The following KCNC4 variants were observed in gnomAD, a reference collection of about 807,000 sequenced individuals.
KCNC4 encodes potassium voltage-gated channel subfamily C member 4.
A neutral mutation model predicts 42.8 loss-of-function variants in KCNC4; 23 were observed. The observed-to-expected ratio is 0.54, with a 90% CI of 0.39 to 0.76. The LOEUF is 0.76. KCNC4 is among the 30% of genes least tolerant of loss of function. The pLI, the probability that KCNC4 is intolerant of heterozygous loss-of-function variation, is 0.00. For synonymous variants in KCNC4, 422 were observed against 393.5 expected, an observed-to-expected ratio of 1.07 and a Z score of -0.86; for missense variants, 751 against 898.2, an observed-to-expected ratio of 0.84 and a Z score of 2.10.
chr1:110,253,415 A>G (rs180944188), downstream of KCNC4, among the ~76,000 whole-genome samples: 1 of 152,238 alleles, frequency 6.6e-6, no homozygotes, highest in East Asian at 1.9e-4. Flanking sequence ...GGCCACATTC[A>G]TGCATCTGCC....
At chr1:110,225,473 G>A (rs922487507) in intron 2 of KCNC4, 2 of 153,748 alleles carry the variant, frequency 1.3e-5, no homozygotes, top group African/African-American at 4.8e-5. Flanking sequence ...CAGGACTCTG[G>A]CCTAGATGCC....
At chr1:110,268,623 A>G (rs988324792) in intron 1 of KCNC4, among the ~76,000 whole-genome samples, 26 of 148,810 alleles carry the variant, frequency 1.7e-4, no homozygotes, top group East Asian at 3.9e-4. Context: ...AAAAAAAAAA[A>G]AAAAGAAAAG....
chr1:110,263,754 A>G (rs1483217911), intron 1 of KCNC4, among the ~76,000 whole-genome samples: 8 of 151,854 alleles, frequency 5.3e-5, no homozygotes, highest in Non-Finnish European at 1.2e-4. Flanking sequence ...TTTGGGGAAC[A>G]AATTGAGGCC....
rs183570125 is a variant in KCNC4, at chr1:110,260,353, T to C, written n.31-22181T>C. On this transcript the variant is annotated intron_variant and non_coding_transcript_variant, in intron 1 of 2. Transcript: ENST00000412512. ...GAGGAATTGATGATCTTAGACTAGA[T>C]AGTGTGAGAAAAAAAGAGGAAATGA... is the stretch of plus-strand genomic sequence containing the variant. Among the ~76,000 whole-genome samples the C allele has an allele frequency of 1.6e-4, 24 of 152,260 alleles. No individual in the cohort carries two copies. The East Asian group carries it at 4.4e-3, about 28-fold the overall frequency.
intron 1 of KCNC4, among the ~76,000 whole-genome samples, chr1:110,271,864 AGAG>A (rs1258971749): frequency 2.6e-5 from 4 of 152,080 alleles, no homozygotes. Flanking sequence ...AGCATCTGAA[AGAG>A]GAGGAGGAGG....
At chr1:110,265,290 T>C (rs1455940515) in intron 1 of KCNC4, among the ~76,000 whole-genome samples, 17 of 151,508 alleles carry the variant, frequency 1.1e-4, no homozygotes, top group Admixed American at 1.1e-3. Flanking sequence ...AGTTTACAAG[T>C]GGCTGATGAG....
chr1:110,212,046 G>A lies in KCNC4; in HGVS notation c.547G>A (p.Glu183Lys), dbSNP rs1657495091. 1.1e-5 allele frequency: 17 copies of A among 1,578,484 alleles called. No homozygotes were observed. Among genetic ancestry groups the A allele is most frequent in the Non-Finnish European group, 1.4e-5 (16 of 1,164,520 alleles). ...PSDEAGDDER[E>K]LALQRLGPHE... ...CGACGAGGCCGGCGACGATGAGCGGGAGCTGGCCCTGCAGCGACTGGGCCC... is the reference window on the plus strand; with the variant it reads ...CGACGAGGCCGGCGACGATGAGCGGAAGCTGGCCCTGCAGCGACTGGGCCC... The change falls in exon 1 of 4, where the codon GAG becomes AAG. Residue 183 changes from glutamate to lysine, a missense_variant. Glu to Lys is a moderately conservative substitution (Grantham distance 56). Around this residue, in one of 4 missense-constraint regions of KCNC4, gnomAD observed 181 missense variants for 167.3 expected, o/e 1.08. Transcript: ENST00000438661.
chr1:110,232,885 C>T (rs1307150070), intron 3 of KCNC4, 26 bp from the exon 4 acceptor site: 40 of 1,604,262 alleles, frequency 2.5e-5, no homozygotes, highest in Non-Finnish European at 3.3e-5. Flanking sequence ...GTCCCAGTGT[C>T]TCACACCTGT....
rs1260725322 is a variant in KCNC4, at chr1:110,210,739, T to C, written c.-761T>C. On this transcript the variant is annotated 5_prime_UTR_variant, in exon 1 of 4. Transcript: ENST00000438661. ...AGCGCTGCGCCCGGTCCGGCGCAGC[T>C]CCCAGCCGCGGACGCAGGACCCGAG... Among the ~76,000 whole-genome samples, 1 of 150,862 alleles carries C rather than the reference T, an allele frequency of 6.6e-6. No homozygotes were observed. Among genetic ancestry groups the C allele is most frequent in the Non-Finnish European group, 1.5e-5 (1 of 67,714 alleles).
chr1:110,269,117 G>T (rs189801685), intron 1 of KCNC4, among the ~76,000 whole-genome samples: 2 of 152,226 alleles, frequency 1.3e-5, no homozygotes, highest in African/African-American at 4.8e-5. Flanking sequence ...CTGTGACAGG[G>T]CCATCTTTTC....
In KCNC4 at chr1:110,223,306, G is replaced by A. The variant is rs754336389; in HGVS notation, c.1021G>A (p.Asp341Asn). 5 of 1,614,010 alleles carry A rather than the reference G, an allele frequency of 3.1e-6. No individual in the cohort carries two copies. The highest frequency in any genetic ancestry group is 4.5e-5 in the East Asian group (2 of 44,884). ...LSGLSSKAAR[D>N]VLGFLRVVRF... ...CGGCCTGTCATCCAAGGCGGCCCGC[G>A]ACGTGCTGGGCTTCCTGCGCGTGGT... The change falls in exon 2 of 4, where the codon GAC becomes AAC. Residue 341 changes from aspartate (D) to asparagine (N), a missense_variant. Around this residue, in one of 4 missense-constraint regions of KCNC4, gnomAD observed 185 missense variants for 293.7 expected, o/e 0.63. Transcript: ENST00000438661. The surrounding 1 kb of genome is among the most constrained non-coding windows in gnomAD (Gnocchi z 7.5).
At chr1:110,229,319 C>G (rs551924200) in intron 3 of KCNC4, among the ~76,000 whole-genome samples, 6 of 152,238 alleles carry the variant, frequency 3.9e-5, no homozygotes, top group African/African-American at 1.2e-4. Flanking sequence ...TGGCTTGGGG[C>G]GCAGGTAGGG....
intron 1 of KCNC4, chr1:110,222,200 A>C (rs781450529): frequency 2.0e-5 from 3 of 152,234 alleles, no homozygotes; most frequent in Non-Finnish European, 2.9e-5. Context: ...CTCACCATCT[A>C]GGCAGTCAGC....
chr1:110,246,724 A>G (rs1402551508), exon 4 of KCNC4: 1 of 149,802 alleles, frequency 6.7e-6, no homozygotes, highest in East Asian at 1.9e-4. Context: ...CCACCTGTGA[A>G]TCTGCTCATC....
intron 1 of KCNC4, chr1:110,221,880 G>A (rs1484953646): frequency 1.3e-5 from 2 of 152,174 alleles, no homozygotes; most frequent in Non-Finnish European, 2.9e-5. Flanking sequence ...TGGATGGCAC[G>A]GCATGAATAA....
chr1:110,253,867 C>T (rs1437420106), downstream of KCNC4, among the ~76,000 whole-genome samples: 2 of 152,066 alleles, frequency 1.3e-5, no homozygotes, highest in Non-Finnish European at 2.9e-5. Flanking sequence ...AGGCTGAAGT[C>T]CTGGTCAAGA....
At chr1:110,232,763 T>G (rs1658761224) in intron 3 of KCNC4, 148 bp from the exon 4 acceptor site, 1 of 1,536,612 alleles carries the variant, frequency 6.5e-7, no homozygotes. Context: ...GCCCACACCC[T>G]GTGGGTCAGC....
intron 2 of KCNC4, chr1:110,224,102 A>T: frequency 1.7e-6 from 1 of 578,786 alleles, no homozygotes; most frequent in Non-Finnish European, 3.1e-6. Context: ...CGAACATCAG[A>T]TCTTTGGAGT....
chr1:110,226,356 GTCT>G (rs774047967), intron 3 of KCNC4, 178 bp downstream of exon 3: 1 of 641,072 alleles, frequency 1.6e-6, no homozygotes, highest in South Asian at 1.7e-5. Context: ...GATTAGAAAG[GTCT>G]TCTCCATCTC....
Sources: allele counts gnomAD v4.1 joint callset (sites outside exome capture counted in the v4.1 genomes callset), GRCh38; gene constraint gnomAD v4.1.1; regional missense constraint gnomAD v4.1.1; non-coding constraint Gnocchi (gnomAD v3.1); transcripts MANE v1.5; gene names NCBI Gene and HGNC (gene_info 2026-07-23, HGNC 2026-07-21).